The following DLG2 variants were observed in gnomAD, a reference collection of about 807,000 sequenced individuals.
DLG2 encodes discs large MAGUK scaffold protein 2, also known as disks large homolog 2.
Under a neutral mutation model 132.5 loss-of-function variants are expected in DLG2, and 45 were observed. The observed-to-expected ratio is 0.34, with a 90% CI of 0.27 to 0.44. DLG2 has a LOEUF of 0.44. Among genes scored for constraint, DLG2 ranks in the 20% least tolerant of loss-of-function variants. The pLI is 1.00. For missense variants in DLG2, 1,045 were observed against 1,196.9 expected, an observed-to-expected ratio of 0.87 and a Z score of 1.87; for synonymous variants, 424 against 419.6, an observed-to-expected ratio of 1.01 and a Z score of -0.13.
chr11:84,525,200 A>C (rs1479984123), intron 7 of DLG2, among the ~76,000 whole-genome samples: 4 of 152,116 alleles, frequency 2.6e-5, no homozygotes, highest in African/African-American at 9.7e-5. Context: ...AAAACGTCAA[A>C]GTTTCCATTT....
At chr11:83,618,294 AG>A (rs2061139560) in intron 19 of DLG2, among the ~76,000 whole-genome samples, 2 of 152,124 alleles carry the variant, frequency 1.3e-5, no homozygotes, top group South Asian at 2.1e-4. Flanking sequence ...ATATATCACT[AG>A]ATTTATTTTG....
chr11:84,911,862 T>C (rs562217216), intron 6 of DLG2, among the ~76,000 whole-genome samples: 10 of 152,300 alleles, frequency 6.6e-5, no homozygotes, highest in African/African-American at 2.2e-4. Context: ...GGAGTGGTTA[T>C]ATTTAGATGA....
At chr11:84,861,474 G>A (rs2083613947) in intron 6 of DLG2, among the ~76,000 whole-genome samples, 1 of 151,838 alleles carries the variant, frequency 6.6e-6, no homozygotes, top group Non-Finnish European at 1.5e-5. Flanking sequence ...CCTAGAGGAG[G>A]CTTAAGGGAT....
intron 17 of DLG2, among the ~76,000 whole-genome samples, chr11:83,821,418 A>AT (rs200304975): frequency 0.028 from 4,285 of 152,162 alleles, 87 homozygotes; most frequent in Middle Eastern, 0.082. Flanking sequence ...CTTATTATGG[A>AT]TTTTTTTTAG....
chr11:85,139,847 A>G (rs979727511), intron 5 of DLG2, among the ~76,000 whole-genome samples: 1 of 151,940 alleles, frequency 6.6e-6, no homozygotes, highest in Non-Finnish European at 1.5e-5. Context: ...TATTTTGTAT[A>G]TGGTAAGTAT....
intron 4 of DLG2, among the ~76,000 whole-genome samples, chr11:85,178,315 C>T (rs1380717787): frequency 6.6e-6 from 1 of 151,796 alleles, no homozygotes; most frequent in Admixed American, 6.6e-5. Context: ...GTGTTTATGC[C>T]TAAAGAGAAT....
At chr11:85,158,057 G>A (rs1566948528) in intron 4 of DLG2, among the ~76,000 whole-genome samples, 1 of 152,092 alleles carries the variant, frequency 6.6e-6, no homozygotes, top group Non-Finnish European at 1.5e-5. Flanking sequence ...TTTGCTTCTA[G>A]ACTTATAACT....
chr11:85,548,513 T>C lies in DLG2; in HGVS notation c.40+50144A>G, dbSNP rs375019886. Among the ~76,000 whole-genome samples, 10 of 152,300 alleles carry C rather than the reference T, an allele frequency of 6.6e-5. No homozygotes were observed. In the East Asian group the frequency reaches 1.7e-3, roughly 26 times the overall value. The stretch of plus-strand genomic sequence containing the variant: ...AGTCTGTCCCTTATCAGAGCTTGAA[T>C]GCTGTGCTGTGAGATCCACTGCTCT... On this transcript the variant is annotated intron_variant, in intron 3 of 27. Transcript: ENST00000376104.
intron 3 of DLG2, among the ~76,000 whole-genome samples, chr11:85,499,617 C>A (rs1215950636): frequency 2.0e-5 from 3 of 152,138 alleles, no homozygotes; most frequent in Non-Finnish European, 4.4e-5. Flanking sequence ...CATCCTGATA[C>A]CAAAGCCTGG....
intron 15 of DLG2, among the ~76,000 whole-genome samples, chr11:83,914,548 G>A (rs1369379779): frequency 6.6e-6 from 1 of 152,090 alleles, no homozygotes; most frequent in Non-Finnish European, 1.5e-5. Flanking sequence ...CTTACCATGG[G>A]CCAAATGCTT....
At position 84,820,211 on chromosome 11, in the gene DLG2, A is replaced by C. The variant is rs7950430; in HGVS notation, c.358-285480T>G. On this transcript the variant is annotated intron_variant, in intron 6 of 27. Coordinates refer to ENST00000376104, the MANE Select transcript of DLG2 (RefSeq NM_001142699.3). ...ATTAAAATCTAGGATATTCAGAACC[A>C]TTATCAGGGCTCAAGCTGATTTTAA... Among the ~76,000 whole-genome samples, 202 of 151,884 alleles carry C rather than the reference A, an allele frequency of 1.3e-3. 1 individual carries two copies. The highest frequency in any genetic ancestry group is 4.6e-3 in the African/African-American group (191 of 41,470).
intron 6 of DLG2, among the ~76,000 whole-genome samples, chr11:84,637,536 G>T (rs2099642840): frequency 6.6e-6 from 1 of 152,198 alleles, no homozygotes; most frequent in Non-Finnish European, 1.5e-5. Context: ...AAAGGCAGGT[G>T]GTTAAGTAGC....
chr11:84,520,191 C>T (rs2099291486), intron 7 of DLG2, among the ~76,000 whole-genome samples: 1 of 152,078 alleles, frequency 6.6e-6, no homozygotes, highest in South Asian at 2.1e-4. Context: ...GTTTTTCTTT[C>T]ATTGTTTACT....
chr11:84,652,968 G>A (rs1469424063), intron 6 of DLG2, among the ~76,000 whole-genome samples: 1 of 145,534 alleles, frequency 6.9e-6, no homozygotes, highest in Non-Finnish European at 1.5e-5. Flanking sequence ...GTCTGGCTCT[G>A]TTGCCCAGGC....
chr11:84,256,576 T>C (rs2154354452), intron 7 of DLG2, among the ~76,000 whole-genome samples: 1 of 152,302 alleles, frequency 6.6e-6, no homozygotes, highest in South Asian at 2.1e-4. Flanking sequence ...CAGGTGATTG[T>C]CATTACGCCA....
rs542882358 is a variant in DLG2, at chr11:83,636,454, T to C, written c.1826-3129A>G. Among the ~76,000 whole-genome samples the C allele has an allele frequency of 2.6e-5, 4 of 152,316 alleles. No individual in the cohort carries two copies. In the East Asian group the frequency reaches 7.7e-4, roughly 29 times the overall value. ...ATTGTCCATTTTCATTTTTATGTTT[T>C]TGCAATAAGAAAGATGAACATGCAT... On this transcript the variant is annotated intron_variant, in intron 18 of 27. Transcript: ENST00000376104.
At chr11:84,627,864 C>A (rs1263718016) in intron 6 of DLG2, among the ~76,000 whole-genome samples, 1 of 152,040 alleles carries the variant, frequency 6.6e-6, no homozygotes, top group Admixed American at 6.6e-5. Flanking sequence ...ACAACCAGAT[C>A]TCATGAGAAC....
Position 85,112,664 on chromosome 11 carries a change from A to G in DLG2, c.283-929T>C, listed in dbSNP as rs535816356. 2.0e-4 allele frequency among the ~76,000 whole-genome samples: 31 copies of G among 152,238 alleles called. 1 individual carries two copies. In the South Asian group the frequency reaches 5.0e-3, roughly 24 times the overall value. ...ATTATTACTAGTCCCCACAATAAACATAAGTAGGAGTATTATGCTCACTTT... is the reference window on the plus strand; with the variant it reads ...ATTATTACTAGTCCCCACAATAAACGTAAGTAGGAGTATTATGCTCACTTT... On this transcript the variant is annotated intron_variant, in intron 5 of 27. Transcript: ENST00000376104.
intron 6 of DLG2, among the ~76,000 whole-genome samples, chr11:84,854,465 A>G (rs948026376): frequency 6.6e-6 from 1 of 151,992 alleles, no homozygotes; most frequent in African/African-American, 2.4e-5. Context: ...TACCAATCAT[A>G]CTACTTTTGG....
Sources: allele counts gnomAD v4.1 joint callset (sites outside exome capture counted in the v4.1 genomes callset), GRCh38; gene constraint gnomAD v4.1.1; transcripts MANE v1.5; gene names NCBI Gene and HGNC (gene_info 2026-07-23, HGNC 2026-07-21).